KAT2B: variants seen among roughly 807,000 people sequenced by gnomAD.
KAT2B encodes the protein histone acetyltransferase KAT2B.
KAT2B carries 36 observed loss-of-function variants against 105.9 expected under a neutral mutation model. The ratio of observed to expected loss-of-function variants is 0.34; its 90% confidence interval spans 0.26 to 0.45. KAT2B has a LOEUF of 0.45. Among genes scored for constraint, KAT2B ranks in the 20% least tolerant of loss-of-function variants. The pLI is 1.00. For missense variants in KAT2B, 820 were observed against 1,021.6 expected (o/e 0.80, Z 2.69); for synonymous variants, 397 against 377.9 (o/e 1.05, Z -0.59).
chr3:20,151,557 C>T (rs553445964), intron 17 of KAT2B, among the ~76,000 whole-genome samples: 7 of 152,194 alleles, frequency 4.6e-5, no homozygotes, highest in East Asian at 1.9e-4. Context: ...CAAATGTTAG[C>T]GTCTATTCTA....
At position 20,072,187 on chromosome 3, in the gene KAT2B, G is replaced by C; in HGVS notation, c.304-146G>C. 3.7e-6 allele frequency: 3 copies of C among 805,776 alleles called. No individual in the cohort carries two copies. The South Asian group carries it at 5.1e-5, about 14-fold the overall frequency. The allele number at this position is 805,776 out of a possible 1,614,324, so 49.9% of individuals were successfully genotyped here. A position where few individuals can be genotyped will look rare whatever the true frequency, so the allele number is the denominator to read the frequency against. Reference sequence around the variant, plus strand: ...ATCAAATACCACCTTTGGGTTTTCTGTTTTTCTCTTGTGTATATGGCAGAC... The same window carrying C: ...ATCAAATACCACCTTTGGGTTTTCTCTTTTTCTCTTGTGTATATGGCAGAC... On this transcript the variant is annotated intron_variant, in intron 1 of 17. Coordinates refer to ENST00000263754, the MANE Select transcript of KAT2B (RefSeq NM_003884.5).
intron 11 of KAT2B, among the ~76,000 whole-genome samples, chr3:20,136,036 A>G (rs771675789): frequency 1.3e-5 from 2 of 152,160 alleles, no homozygotes; most frequent in South Asian, 2.1e-4. Context: ...CTAGCCTCAT[A>G]TGGATTAGGG....
chr3:20,112,848 G>A (rs1699145222), intron 6 of KAT2B, among the ~76,000 whole-genome samples: 1 of 152,184 alleles, frequency 6.6e-6, no homozygotes, highest in Non-Finnish European at 1.5e-5. Context: ...TTGTCTCAGT[G>A]AAGATAGAGT....
At chr3:20,108,557 A>G (rs1699062848) in intron 5 of KAT2B, among the ~76,000 whole-genome samples, 1 of 152,210 alleles carries the variant, frequency 6.6e-6, no homozygotes, top group Non-Finnish European at 1.5e-5. Flanking sequence ...ATGTTTAGGT[A>G]TATTTAGATA....
intron 2 of KAT2B, among the ~76,000 whole-genome samples, chr3:20,084,370 C>G (rs78413907): frequency 0.012 from 1,819 of 152,208 alleles, 38 homozygotes; most frequent in African/African-American, 0.042. Flanking sequence ...CACTCCAGAC[C>G]TGCGTTTATT....
In KAT2B at chr3:20,126,224, C is replaced by CT. The variant is rs1699401579; in HGVS notation, c.1622+113dup. 3 of 850,992 alleles carry CT rather than the reference C, an allele frequency of 3.5e-6. No individual in the cohort carries two copies. The Admixed American group carries it at 7.3e-5, about 21-fold the overall frequency. 52.7% of individuals were successfully genotyped at this position (850,992 alleles called of 1,614,324 possible). The stretch of plus-strand genomic sequence containing the variant: ...ATCCACCGAATACTACTGCACCTGT[C>CT]TTGCTGTGGATACAGAGCTTCACCA... On this transcript the variant is annotated intron_variant, in intron 10 of 17. Transcript: ENST00000263754.
chr3:20,055,246 G>A (rs951817798), intron 1 of KAT2B, among the ~76,000 whole-genome samples: 1 of 152,274 alleles, frequency 6.6e-6, no homozygotes, highest in African/African-American at 2.4e-5. Context: ...CTGTAATGTG[G>A]AGACAGTGAT....
chr3:20,147,310 A>G (rs1029317242), intron 14 of KAT2B, among the ~76,000 whole-genome samples: 45 of 151,762 alleles, frequency 3.0e-4, no homozygotes, highest in African/African-American at 1.1e-3. Context: ...CATAATAGCA[A>G]CCATATCATT....
chr3:20,111,592 A>G lies in KAT2B; in HGVS notation c.852-4A>G. 1 of 1,604,304 alleles carries G rather than the reference A, an allele frequency of 6.2e-7. No individual in the cohort carries two copies. Among genetic ancestry groups the G allele is most frequent in the East Asian group, 2.2e-5 (1 of 44,634 alleles). On this transcript the variant is annotated splice_polypyrimidine_tract_variant and splice_region_variant and intron_variant, in intron 5 of 17. Transcript: ENST00000263754. ...TTGATGGTGCTTGACTTCTCTTGTC[A>G]CAGGTGGCTGTGTTACTGCAACGTG...
intron 7 of KAT2B, among the ~76,000 whole-genome samples, chr3:20,117,956 T>C (rs1245783985): frequency 6.6e-6 from 1 of 152,028 alleles, no homozygotes; most frequent in Non-Finnish European, 1.5e-5. Flanking sequence ...ATCCTGTATA[T>C]TTTCAGTAGA....
chr3:20,146,171 C>G, intron 13 of KAT2B, 145 bp from the exon 14 acceptor site: 1 of 613,384 alleles, frequency 1.6e-6, no homozygotes, highest in Non-Finnish European at 2.9e-6. Flanking sequence ...TCATTTCTTA[C>G]TTGTTAAATA....
intron 13 of KAT2B, among the ~76,000 whole-genome samples, chr3:20,142,377 A>C (rs1699708974): frequency 6.6e-6 from 1 of 152,082 alleles, no homozygotes; most frequent in African/African-American, 2.4e-5. Context: ...ATAAAAATAT[A>C]TTTGGATTCA....
intron 1 of KAT2B, 140 bp downstream of exon 1, chr3:20,040,920 C>T: frequency 9.5e-7 from 1 of 1,048,330 alleles, no homozygotes; most frequent in South Asian, 1.9e-5. Context: ...CGCGGAAGTG[C>T]TCTTGTCGCC....
At chr3:20,124,583 A>G (rs1050272138) in intron 9 of KAT2B, among the ~76,000 whole-genome samples, 8 of 152,210 alleles carry the variant, frequency 5.3e-5, no homozygotes, top group African/African-American at 1.9e-4. Flanking sequence ...CACCTCCAAC[A>G]TTGGAGATTG....
intron 11 of KAT2B, among the ~76,000 whole-genome samples, chr3:20,128,283 T>C (rs1334181062): frequency 6.6e-6 from 1 of 152,170 alleles, no homozygotes; most frequent in East Asian, 1.9e-4. Flanking sequence ...CTGGAAAGGA[T>C]ATGGTTAATG....
chr3:20,141,323 A>G (rs1237011298), intron 13 of KAT2B, among the ~76,000 whole-genome samples: 2 of 152,068 alleles, frequency 1.3e-5, no homozygotes, highest in Non-Finnish European at 2.9e-5. Flanking sequence ...TAAAAGGGAA[A>G]GGTTGACAGA....
chr3:20,140,307 G>A lies in KAT2B; in HGVS notation c.1947G>A (p.Glu649=). Residue 649 remains glutamate (E), a synonymous_variant, in exon 13 of 18, where the codon GAG becomes GAA. Coordinates refer to ENST00000263754, the MANE Select transcript of KAT2B (RefSeq NM_003884.5). Reference sequence around the variant, plus strand: ...AAGGAGCCACTTTAATGGGATGTGAGCTAAATCCACGGATCCCGTACACAG... The same window carrying A: ...AAGGAGCCACTTTAATGGGATGTGAACTAAATCCACGGATCCCGTACACAG... The part of the protein sequence containing the change: ...DYEGATLMGC[E]LNPRIPYTEF... 6.2e-7 allele frequency: 1 copy of A among 1,613,542 alleles called. No individual in the cohort carries two copies. Among genetic ancestry groups the A allele is most frequent in the Non-Finnish European group, 8.5e-7 (1 of 1,179,506 alleles).
chr3:20,141,086 A>G (rs987994812), intron 13 of KAT2B, among the ~76,000 whole-genome samples: 3 of 152,062 alleles, frequency 2.0e-5, no homozygotes, highest in Non-Finnish European at 4.4e-5. Flanking sequence ...ACATAAATCA[A>G]ACCGTTTCAG....
chr3:20,106,961 GTATATA>G (rs60656536), intron 5 of KAT2B, among the ~76,000 whole-genome samples: 1 of 69,970 alleles, frequency 1.4e-5, no homozygotes, highest in African/African-American at 5.3e-5. Context: ...AATTTTATGT[GTATATA>G]TATATATATA....
Sources: allele counts gnomAD v4.1 joint callset (sites outside exome capture counted in the v4.1 genomes callset), GRCh38; gene constraint gnomAD v4.1.1; transcripts MANE v1.5; gene names NCBI Gene and HGNC (gene_info 2026-07-23, HGNC 2026-07-21).